The following FGF12 variants were observed in gnomAD, a reference collection of about 807,000 sequenced individuals.
The protein encoded by FGF12 is fibroblast growth factor 12.
FGF12 carries 14 observed loss-of-function variants against 23.6 expected under a neutral mutation model. The ratio of observed to expected loss-of-function variants is 0.59; its 90% confidence interval spans 0.39 to 0.93. The LOEUF is 0.93. Among genes scored for constraint, FGF12 ranks in the 40% least tolerant of loss-of-function variants. The pLI, the probability that FGF12 is intolerant of heterozygous loss-of-function variation, is 0.00. For synonymous variants in FGF12, 62 were observed against 77.3 expected, an observed-to-expected ratio of 0.80 and a Z score of 1.04; for missense variants, 175 against 217.8, an observed-to-expected ratio of 0.80 and a Z score of 1.24.
intron 2 of FGF12, among the ~76,000 whole-genome samples, chr3:192,552,966 T>G (rs1425240744): frequency 6.6e-6 from 1 of 152,002 alleles, no homozygotes; most frequent in Admixed American, 6.6e-5. Flanking sequence ...AAACAACAGC[T>G]GTAAAGTACT....
intron 2 of FGF12, among the ~76,000 whole-genome samples, chr3:192,567,360 A>G (rs1875456): frequency 0.066 from 10,090 of 152,146 alleles, 850 homozygotes; most frequent in African/African-American, 0.2. Flanking sequence ...AGAAAAAAAA[A>G]GGGAAAAGAT....
chr3:192,587,513 T>A (rs779362968), intron 2 of FGF12, among the ~76,000 whole-genome samples: 1 of 151,832 alleles, frequency 6.6e-6, no homozygotes, highest in Non-Finnish European at 1.5e-5. Context: ...ATGCCGAAAA[T>A]CAACTCAAGA....
At chr3:192,722,160 C>T (rs1225421134) in intron 2 of FGF12, among the ~76,000 whole-genome samples, 1 of 152,010 alleles carries the variant, frequency 6.6e-6, no homozygotes, top group Non-Finnish European at 1.5e-5. Context: ...ATCTTGAGAC[C>T]CAAAGAGGAA....
chr3:192,187,837 A>G (rs1716559799), intron 4 of FGF12, among the ~76,000 whole-genome samples: 2 of 152,182 alleles, frequency 1.3e-5, no homozygotes, highest in Admixed American at 1.3e-4. Flanking sequence ...GAAGAAAGGA[A>G]AGAAAAAGGA....
rs749622797 is a variant in FGF12, at chr3:192,408,931, C to T, written c.14-48393G>A. On this transcript the variant is annotated intron_variant, in intron 2 of 5. Coordinates refer to ENST00000445105, the MANE Select transcript of FGF12 (RefSeq NM_004113.6). The surrounding 1 kb of genome is among the most constrained non-coding windows in gnomAD (Gnocchi z 7.3). ...TGCGGCTTTCCAGGGGCCGGCCACC[C>T]GAGTTCTGGAATTCCGAGAGGCGCG... The T allele has an allele frequency of 1.2e-5, 12 of 985,084 alleles. No homozygotes were observed. The Admixed American group carries it at 3.7e-4, about 30-fold the overall frequency. 61.0% of individuals were successfully genotyped at this position (985,084 alleles called of 1,614,324 possible).
Position 192,612,243 on chromosome 3 carries a change from C to T in FGF12, c.13+114938G>A, listed in dbSNP as rs192126973. Reference sequence around the variant, plus strand: ...CTTCTATGACCCTGGACTTTGGGTGCTCCTATCTACCTGGATTTTTTTTAT... The same window carrying T: ...CTTCTATGACCCTGGACTTTGGGTGTTCCTATCTACCTGGATTTTTTTTAT... On this transcript the variant is annotated intron_variant, in intron 2 of 5. Coordinates refer to ENST00000445105, the MANE Select transcript of FGF12 (RefSeq NM_004113.6). 2.0e-3 allele frequency among the ~76,000 whole-genome samples: 302 copies of T among 152,056 alleles called. 2 individuals carry two copies. Among genetic ancestry groups the T allele is most frequent in the Non-Finnish European group, 1.9e-3 (127 of 67,932 alleles).
intron 2 of FGF12, among the ~76,000 whole-genome samples, chr3:192,427,357 C>T (rs537806869): frequency 1.2e-4 from 18 of 144,670 alleles, no homozygotes; most frequent in African/African-American, 2.6e-4. Context: ...TCAGCCTGGG[C>T]GACAGAGCAG....
At chr3:192,718,348 G>A (rs1473049623) in intron 2 of FGF12, among the ~76,000 whole-genome samples, 8 of 151,918 alleles carry the variant, frequency 5.3e-5, no homozygotes, top group Non-Finnish European at 1.2e-4. Context: ...AATCTGCTAA[G>A]CAAAAATGCC....
chr3:192,350,280 G>T (rs977615848), intron 3 of FGF12, among the ~76,000 whole-genome samples: 10 of 152,160 alleles, frequency 6.6e-5, no homozygotes, highest in African/African-American at 2.4e-4. Context: ...TCAGAAACAG[G>T]CTTCAAAGAC....
chr3:192,446,171 A>G (rs1015151322), intron 2 of FGF12, among the ~76,000 whole-genome samples: 3 of 152,240 alleles, frequency 2.0e-5, no homozygotes, highest in Non-Finnish European at 4.4e-5. Flanking sequence ...ATACCCAGAC[A>G]CTGAACAGAA....
chr3:192,347,469 T>C (rs1577375673), intron 3 of FGF12, among the ~76,000 whole-genome samples: 1 of 152,176 alleles, frequency 6.6e-6, no homozygotes, highest in Non-Finnish European at 1.5e-5. Flanking sequence ...ACAAAGATTT[T>C]GGAGCCATTG....
At chr3:192,727,156 T>C in intron 2 of FGF12, 25 bp downstream of exon 2, 2 of 1,571,646 alleles carry the variant, frequency 1.3e-6, no homozygotes, top group Non-Finnish European at 1.7e-6. Flanking sequence ...CAGCGGGAAG[T>C]CCCCCGATAG....
intron 2 of FGF12, among the ~76,000 whole-genome samples, chr3:192,660,155 A>G (rs1463622793): frequency 6.6e-6 from 1 of 151,804 alleles, no homozygotes; most frequent in Non-Finnish European, 1.5e-5. Flanking sequence ...TGTGGCACAT[A>G]TACACCATGG....
At position 192,581,871 on chromosome 3, in the gene FGF12, T is replaced by C. The variant is rs1228676907; in HGVS notation, c.13+145310A>G. Among the ~76,000 whole-genome samples the C allele has an allele frequency of 2.6e-5, 4 of 152,174 alleles. 1 individual carries two copies. In the South Asian group the frequency reaches 6.2e-4, roughly 24 times the overall value. On this transcript the variant is annotated intron_variant, in intron 2 of 5. Coordinates refer to ENST00000445105, the MANE Select transcript of FGF12 (RefSeq NM_004113.6). ...TAAAATATCATTATCTTTAATTACC[T>C]AAAAGATTATAAATACATATAAAAA...
At chr3:192,312,388 T>C (rs1715996376) in intron 4 of FGF12, among the ~76,000 whole-genome samples, 1 of 151,262 alleles carries the variant, frequency 6.6e-6, no homozygotes, top group Non-Finnish European at 1.5e-5. Context: ...TCATATGTCA[T>C]GTGAAAACTT....
At chr3:192,474,874 A>G (rs1259725686) in intron 2 of FGF12, among the ~76,000 whole-genome samples, 1 of 149,218 alleles carries the variant, frequency 6.7e-6, no homozygotes, top group Non-Finnish European at 1.5e-5. Flanking sequence ...AACAAGAGTG[A>G]AACTTCATCT....
At chr3:192,708,434 G>T (rs1405197548) in intron 2 of FGF12, among the ~76,000 whole-genome samples, 1 of 152,086 alleles carries the variant, frequency 6.6e-6, no homozygotes, top group African/African-American at 2.4e-5. Flanking sequence ...AATAAACAAA[G>T]ATTTTATGTT....
chr3:192,403,001 C>G (rs1004450482), intron 2 of FGF12, among the ~76,000 whole-genome samples: 1 of 152,114 alleles, frequency 6.6e-6, no homozygotes, highest in Non-Finnish European at 1.5e-5. Flanking sequence ...AATCATCATA[C>G]AATCTATAAT....
intron 2 of FGF12, among the ~76,000 whole-genome samples, chr3:192,524,787 A>G (rs1724902410): frequency 6.6e-6 from 1 of 152,110 alleles, no homozygotes; most frequent in Non-Finnish European, 1.5e-5. Flanking sequence ...CAAACATACA[A>G]ACATCTTAAA....
Sources: allele counts gnomAD v4.1 joint callset (sites outside exome capture counted in the v4.1 genomes callset), GRCh38; gene constraint gnomAD v4.1.1; non-coding constraint Gnocchi (gnomAD v3.1); transcripts MANE v1.5; gene names NCBI Gene and HGNC (gene_info 2026-07-23, HGNC 2026-07-21).